Variants in NBAS observed in about 807,000 individuals in gnomAD.
NBAS encodes the protein NBAS subunit of NRZ tethering complex.
Under a neutral mutation model 302.5 loss-of-function variants are expected in NBAS, and 219 were observed. The observed-to-expected ratio is 0.72, with a 90% CI of 0.65 to 0.81. NBAS has a LOEUF of 0.81. Ranked by LOEUF, NBAS falls within the 30% of genes least tolerant of loss-of-function variation. NBAS has a pLI of 0.00. For missense variants in NBAS, 2,932 were observed against 2,841.6 expected (o/e 1.03, Z -0.72); for synonymous variants, 1,118 against 1,021.6 (o/e 1.09, Z -1.80).
At chr2:15,234,465 T>C (rs543636567) in intron 46 of NBAS, 80 bp downstream of exon 46, 11 of 1,434,422 alleles carry the variant, frequency 7.7e-6, no homozygotes, top group South Asian at 2.3e-5. Flanking sequence ...AAAATGCTTT[T>C]ACATACAGGA....
At chr2:15,231,962 A>T (rs1318960478) in intron 47 of NBAS, among the ~76,000 whole-genome samples, 1 of 152,210 alleles carries the variant, frequency 6.6e-6, no homozygotes, top group East Asian at 1.9e-4. Context: ...TCGGAGATAC[A>T]CATCTTTCTA....
intron 28 of NBAS, among the ~76,000 whole-genome samples, chr2:15,386,464 C>T (rs996631650): frequency 6.6e-6 from 1 of 152,174 alleles, no homozygotes; most frequent in Non-Finnish European, 1.5e-5. Flanking sequence ...GTTGCCCTTG[C>T]TTAATTCTAC....
the NBAS span, among the ~76,000 whole-genome samples, chr2:15,149,223 G>A: frequency 6.6e-6 from 1 of 152,154 alleles, no homozygotes; most frequent in African/African-American, 2.4e-5. Flanking sequence ...GGATGAGGTT[G>A]TCCCTGCTCC....
At position 15,234,594 on chromosome 2, in the gene NBAS, G is replaced by A. The variant is rs1331347933; in HGVS notation, c.6097C>T (p.Pro2033Ser). Residue 2033 changes from proline (P) to serine (S), a missense_variant, in exon 46 of 52, where the codon CCC becomes TCC. By Grantham distance (74) the Pro-to-Ser change is moderately conservative (BLOSUM62 -1). Transcript: ENST00000281513. ...ATTGCACTCTGCACTATATCCTTGGGTGAGATGTCAAGAGGGCCAACTGCC... is the reference window on the plus strand; with the variant it reads ...ATTGCACTCTGCACTATATCCTTGGATGAGATGTCAAGAGGGCCAACTGCC... ...EVAVGPLDIS[P>S]KDIVQSAIMK... 6.2e-7 allele frequency: 1 copy of A among 1,614,098 alleles called. No homozygotes were observed. The highest frequency in any genetic ancestry group is 8.5e-7 in the Non-Finnish European group (1 of 1,179,996).
the NBAS span, among the ~76,000 whole-genome samples, chr2:15,001,686 G>A: frequency 2.6e-5 from 4 of 152,062 alleles, no homozygotes; most frequent in African/African-American, 9.7e-5. Context: ...GCGGACCCTC[G>A]CAGTGAGTGT....
At chr2:15,008,891 G>T in the NBAS span, among the ~76,000 whole-genome samples, 1 of 152,168 alleles carries the variant, frequency 6.6e-6, no homozygotes, top group East Asian at 1.9e-4. Flanking sequence ...CTCATTTATT[G>T]GTCCCTTTGA....
the NBAS span, among the ~76,000 whole-genome samples, chr2:14,973,168 C>T: frequency 2.0e-5 from 3 of 152,146 alleles, no homozygotes; most frequent in African/African-American, 4.8e-5. Context: ...ATTTCGGAAG[C>T]CCCAGTAATC....
the NBAS span, among the ~76,000 whole-genome samples, chr2:14,834,056 G>A: frequency 1.3e-5 from 2 of 152,108 alleles, no homozygotes; most frequent in Non-Finnish European, 2.9e-5. Flanking sequence ...TAGCGATCAT[G>A]ACTTGATTAT....
intron 17 of NBAS, among the ~76,000 whole-genome samples, chr2:15,468,027 A>C (rs1679797821): frequency 6.6e-6 from 1 of 152,228 alleles, no homozygotes; most frequent in Non-Finnish European, 1.5e-5. Context: ...AAAAATCAAG[A>C]AAATGAAAAC....
chr2:15,186,838 T>C lies in NBAS; in HGVS notation c.6615A>G (p.Leu2205=). 1 of 1,614,008 alleles carries C rather than the reference T, an allele frequency of 6.2e-7. No homozygotes were observed. The highest frequency in any genetic ancestry group is 8.5e-7 in the Non-Finnish European group (1 of 1,179,956). The change falls in exon 50 of 52, where the codon CTA becomes CTG. Residue 2205 remains leucine (L), a synonymous_variant. Coordinates refer to ENST00000281513, the MANE Select transcript of NBAS (RefSeq NM_015909.4). ...NPWVRLATVM[L]TRCTMENKEG... ...CCTTGTTCTCCATCGTACATCTGGT[T>C]AGCATCACTGTAGCTAGTCTCACCC...
At chr2:15,074,737 G>A in the NBAS span, among the ~76,000 whole-genome samples, 2 of 152,010 alleles carry the variant, frequency 1.3e-5, no homozygotes, top group Non-Finnish European at 2.9e-5. Flanking sequence ...ACAGACACAA[G>A]GATAATTTCC....
intron 47 of NBAS, among the ~76,000 whole-genome samples, chr2:15,228,757 T>C (rs1667248732): frequency 6.6e-6 from 1 of 152,156 alleles, no homozygotes; most frequent in Admixed American, 6.5e-5. Context: ...ATCTCACTCA[T>C]ATGTGGAATC....
chr2:14,965,016 G>C, the NBAS span, among the ~76,000 whole-genome samples: 2 of 152,064 alleles, frequency 1.3e-5, no homozygotes, highest in Non-Finnish European at 2.9e-5. Flanking sequence ...ATAAAAGTGT[G>C]TGGTATACTG....
At chr2:15,300,404 C>G (rs1558515031) in intron 40 of NBAS, among the ~76,000 whole-genome samples, 1 of 152,182 alleles carries the variant, frequency 6.6e-6, no homozygotes, top group African/African-American at 2.4e-5. Context: ...CCAAACTCAG[C>G]AGTGCTGTTT....
rs62120555 is a variant in NBAS, at chr2:15,443,579, C to T, written c.2340-15785G>A. 3.6e-3 allele frequency among the ~76,000 whole-genome samples: 539 copies of T among 148,880 alleles called. 2 individuals carry two copies. The highest frequency in any genetic ancestry group is 0.021 in the East Asian group (103 of 4,802). On this transcript the variant is annotated intron_variant, in intron 21 of 51. Transcript: ENST00000281513. ...TGGGCAAAAACTGGAAGCATTCCCT[C>T]TGAAAACTGGCACAAGACAGGGATG...
chr2:15,415,261 ATAGAAGAATTCAATACTTGCCAATTAT>A (rs1314392231), intron 25 of NBAS, among the ~76,000 whole-genome samples: 1 of 152,246 alleles, frequency 6.6e-6, no homozygotes, highest in Admixed American at 6.5e-5. Flanking sequence ...AAAGTCATGT[ATAGAAGAATTCAATACTTGCCAATTAT>A]TAGTCTTCTT....
chr2:14,874,501 A>G, the NBAS span, among the ~76,000 whole-genome samples: 5 of 150,692 alleles, frequency 3.3e-5, no homozygotes, highest in Non-Finnish European at 5.9e-5. Flanking sequence ...TGAGCCGGGC[A>G]TGGTGGCAGG....
At chr2:14,931,062 A>G in the NBAS span, among the ~76,000 whole-genome samples, 1 of 152,198 alleles carries the variant, frequency 6.6e-6, no homozygotes, top group South Asian at 2.1e-4. Context: ...AAAGCCCTGA[A>G]TGATTGATTG....
At chr2:14,968,419 T>A in the NBAS span, among the ~76,000 whole-genome samples, 16 of 151,986 alleles carry the variant, frequency 1.1e-4, no homozygotes, top group Non-Finnish European at 1.9e-4. Context: ...TTTTGTTTGG[T>A]TGGCTTTGGG....
Sources: allele counts gnomAD v4.1 joint callset (sites outside exome capture counted in the v4.1 genomes callset), GRCh38; gene constraint gnomAD v4.1.1; transcripts MANE v1.5; gene names NCBI Gene and HGNC (gene_info 2026-07-23, HGNC 2026-07-21).